TMEM143: variants seen among roughly 807,000 people sequenced by gnomAD.
TMEM143 encodes the protein transmembrane protein 143.
TMEM143 carries 45 observed loss-of-function variants against 40.3 expected under a neutral mutation model. The observed-to-expected ratio is 1.12, with a 90% CI of 0.88 to 1.43. The LOEUF (loss-of-function observed/expected upper bound fraction) is 1.43. Among genes scored for constraint, TMEM143 ranks in the 40% most tolerant of loss-of-function variants. The probability of loss-of-function intolerance (pLI) is 0.00; values close to 1 mark genes in which losing one functional copy is unlikely to be tolerated. For missense variants in TMEM143, 620 were observed against 613.4 expected, an observed-to-expected ratio of 1.01 and a Z score of -0.11; for synonymous variants, 299 against 282.7, an observed-to-expected ratio of 1.06 and a Z score of -0.58.
chr19:48,336,439 C>A (rs112759943), intron 6 of TMEM143, among the ~76,000 whole-genome samples: 1 of 151,726 alleles, frequency 6.6e-6, no homozygotes, highest in Non-Finnish European at 1.5e-5. Flanking sequence ...GCAGGAGAGT[C>A]GCTTGAGCCC....
At chr19:48,346,234 G>T (rs1313167562) in intron 3 of TMEM143, among the ~76,000 whole-genome samples, 1 of 151,986 alleles carries the variant, frequency 6.6e-6, no homozygotes, top group Non-Finnish European at 1.5e-5. Context: ...TGGGATTACA[G>T]ACACATGCCA....
At chr19:48,347,691 G>A (rs926808773) in intron 3 of TMEM143, among the ~76,000 whole-genome samples, 17 of 151,664 alleles carry the variant, frequency 1.1e-4, no homozygotes, top group African/African-American at 4.1e-4. Context: ...TGAGTAGCTG[G>A]GACTACAAGC....
intron 3 of TMEM143, among the ~76,000 whole-genome samples, chr19:48,358,814 G>A (rs776391844): frequency 6.6e-6 from 1 of 152,122 alleles, no homozygotes; most frequent in East Asian, 1.9e-4. Flanking sequence ...ACCTAAATCC[G>A]CTGCTCACAT....
At chr19:48,360,865 C>A (rs1407988952) in intron 2 of TMEM143, among the ~76,000 whole-genome samples, 1 of 152,154 alleles carries the variant, frequency 6.6e-6, no homozygotes, top group Non-Finnish European at 1.5e-5. Context: ...CAGCTCACTG[C>A]ATCTTCAACC....
At chr19:48,363,022 C>T (rs1047592279) in intron 2 of TMEM143, among the ~76,000 whole-genome samples, 3 of 152,228 alleles carry the variant, frequency 2.0e-5, no homozygotes, top group Non-Finnish European at 1.5e-5. Flanking sequence ...CTATACCCAT[C>T]TTAAAGAGGG....
chr19:48,339,556 C>T (rs1180754293), intron 6 of TMEM143, among the ~76,000 whole-genome samples: 4 of 152,096 alleles, frequency 2.6e-5, no homozygotes, highest in Non-Finnish European at 5.9e-5. Context: ...GGACTCTGGG[C>T]TCATGGGGAC....
chr19:48,345,051 C>A, intron 4 of TMEM143, 109 bp downstream of exon 4: 1 of 1,214,702 alleles, frequency 8.2e-7, no homozygotes, highest in Non-Finnish European at 1.1e-6. Context: ...GCCATATGGG[C>A]CACAGTCCCA....
In TMEM143 at chr19:48,333,989, T is replaced by C. The variant is rs1467918451; in HGVS notation, c.1165+19A>G. The C allele has an allele frequency of 1.3e-6, 2 of 1,521,916 alleles. No individual in the cohort carries two copies. Among genetic ancestry groups the C allele is most frequent in the Non-Finnish European group, 1.8e-6 (2 of 1,135,980 alleles). 94.3% of individuals were successfully genotyped at this position (1,521,916 alleles called of 1,614,324 possible). On this transcript the variant is annotated intron_variant, in intron 7 of 7. Coordinates refer to ENST00000293261, the MANE Select transcript of TMEM143 (RefSeq NM_018273.4). This position sits in a 1 kb window ranked among gnomAD's most constrained non-coding sequence, Gnocchi z 4.1. ...GGGGGTGTGGCCCCTGGGGGCAGGG[T>C]CCCAGGGCCACGTCCTACCTTCGGG...
rs200925161 is a variant in TMEM143, at chr19:48,363,854, G to A, written c.23+44C>T. On this transcript the variant is annotated intron_variant, in intron 1 of 7. Transcript: ENST00000293261. ...TCGTAAAGGTTACCTAGGGGGTGCA[G>A]GGCCGCCCTCCCTGGCCATGCAATC... 7.0e-5 allele frequency: 113 copies of A among 1,613,602 alleles called. No individual in the cohort carries two copies. The African/African-American group carries it at 1.4e-3, about 19-fold the overall frequency.
At position 48,333,397 on chromosome 19, in the gene TMEM143, C is replaced by T; in HGVS notation, c.1202G>A (p.Trp401Ter). 1.2e-6 allele frequency: 2 copies of T among 1,605,260 alleles called. No individual in the cohort carries two copies. Among genetic ancestry groups the T allele is most frequent in the East Asian group, 4.5e-5 (2 of 44,648 alleles). The change falls in exon 8 of 8, where the codon TGG becomes TAG. Residue 401 changes from tryptophan (W) to a stop codon, truncating the protein, a stop_gained. Coordinates refer to ENST00000293261, the MANE Select transcript of TMEM143 (RefSeq NM_018273.4). LOFTEE classifies it low-confidence loss of function (END_TRUNC). This position sits in a 1 kb window ranked among gnomAD's most constrained non-coding sequence, Gnocchi z 4.1. ...CTCACAGCCTGACTTGGCTAGGAGC[C>T]AGTTCTCCACCTCCGACCGGAGCCA... ...SRWLRSEVEN[W>*]LLAKSGCEVT...
chr19:48,357,996 C>T lies in TMEM143; in HGVS notation c.369+2076G>A, dbSNP rs149897712. On this transcript the variant is annotated intron_variant, in intron 3 of 7. Coordinates refer to ENST00000293261, the MANE Select transcript of TMEM143 (RefSeq NM_018273.4). Reference sequence around the variant, plus strand: ...TAGTGTACACTGCTCTAGTGATGGGCACACCAAAATCTCAGAATGCACCAC... The same window carrying T: ...TAGTGTACACTGCTCTAGTGATGGGTACACCAAAATCTCAGAATGCACCAC... Among the ~76,000 whole-genome samples the T allele has an allele frequency of 3.0e-4, 46 of 152,104 alleles. No individual in the cohort carries two copies. In the East Asian group the frequency reaches 7.5e-3, roughly 25 times the overall value.
In TMEM143 at chr19:48,333,582, A is replaced by T. The variant is rs1351123798; in HGVS notation, c.1166-149T>A. The stretch of plus-strand genomic sequence containing the variant: ...ATCTTGAGGCTTGGAGGGGAGCGGA[A>T]CAAGGCCCAGGAGGGTCGAGAGGGC... On this transcript the variant is annotated intron_variant, in intron 7 of 7. Coordinates refer to ENST00000293261, the MANE Select transcript of TMEM143 (RefSeq NM_018273.4). The surrounding 1 kb of genome is among the most constrained non-coding windows in gnomAD (Gnocchi z 4.1). The T allele has an allele frequency of 5.3e-6, 3 of 570,626 alleles. No individual in the cohort carries two copies. In the African/African-American group the frequency reaches 5.6e-5, roughly 11 times the overall value. The allele number at this position is 570,626 out of a possible 1,614,324, so 35.3% of individuals were successfully genotyped here.
At chr19:48,347,367 C>T (rs1300154792) in intron 3 of TMEM143, among the ~76,000 whole-genome samples, 2 of 152,044 alleles carry the variant, frequency 1.3e-5, no homozygotes, top group Non-Finnish European at 2.9e-5. Flanking sequence ...AAGGTTTGGT[C>T]ATGGGGAAGC....
Position 48,342,790 on chromosome 19 carries a change from C to A in TMEM143, c.715G>T (p.Val239Phe). 6.2e-7 allele frequency: 1 copy of A among 1,606,518 alleles called. No homozygotes were observed. The highest frequency in any genetic ancestry group is 8.5e-7 in the Non-Finnish European group (1 of 1,174,024). The change falls in exon 6 of 8, where the codon GTC becomes TTC. Residue 239 changes from valine (V) to phenylalanine (F), a missense_variant. Physicochemically the swap from Val to Phe is conservative, Grantham distance 50. Coordinates refer to ENST00000293261, the MANE Select transcript of TMEM143 (RefSeq NM_018273.4). ...CCCCGTTTGGTCCGGGCTGCCAGGA[C>A]CACCCGCTTAAAGTATCTCCTGAGG... is the stretch of plus-strand genomic sequence containing the variant. ...PAERRYFKRV[V>F]LAARTKRGHL...
chr19:48,353,566 C>G (rs1969821674), intron 3 of TMEM143, among the ~76,000 whole-genome samples: 1 of 151,738 alleles, frequency 6.6e-6, no homozygotes, highest in South Asian at 2.1e-4. Flanking sequence ...TTCCACTGTA[C>G]TAAAAAATTA....
At chr19:48,336,259 T>G (rs1007385668) in intron 6 of TMEM143, among the ~76,000 whole-genome samples, 1 of 152,050 alleles carries the variant, frequency 6.6e-6, no homozygotes, top group Admixed American at 6.6e-5. Context: ...GGTTCATGCC[T>G]GTAATTCTAG....
chr19:48,336,246 G>A (rs140529721), intron 6 of TMEM143, among the ~76,000 whole-genome samples: 66 of 152,070 alleles, frequency 4.3e-4, no homozygotes, highest in Admixed American at 7.2e-4. Flanking sequence ...GACCTGGCAC[G>A]GTGGTTCATG....
intron 3 of TMEM143, among the ~76,000 whole-genome samples, chr19:48,359,348 G>A (rs1458667308): frequency 1.3e-5 from 2 of 151,604 alleles, no homozygotes; most frequent in African/African-American, 4.9e-5. Context: ...ACTCACCTCA[G>A]GGCCTTTGCA....
chr19:48,338,350 C>G (rs1456853257), intron 6 of TMEM143, among the ~76,000 whole-genome samples: 6 of 152,206 alleles, frequency 3.9e-5, no homozygotes, highest in African/African-American at 7.2e-5. Context: ...CCCTCCCCTG[C>G]TCATGGTCCT....
Sources: gnomAD v4.1 joint callset for allele counts (sites outside exome capture counted in the v4.1 genomes callset) on GRCh38, gnomAD v4.1.1 for gene constraint, Gnocchi (gnomAD v3.1) non-coding constraint, MANE v1.5 for transcripts, NCBI Gene and HGNC (gene_info 2026-07-23, HGNC 2026-07-21) for gene names.